The following DOK5 variants were observed in gnomAD, a reference collection of about 807,000 sequenced individuals.
DOK5 encodes docking protein 5, also known as downstream of tyrosine kinase 5.
In DOK5, 27 loss-of-function variants were observed where a neutral mutation model predicts 43.3. That is an observed-to-expected ratio of 0.62 (90% CI 0.46 to 0.86). The LOEUF (loss-of-function observed/expected upper bound fraction) is 0.86, where lower values mean the gene tolerates loss of function less well. DOK5 is among the 40% of genes least tolerant of loss of function. DOK5 has a pLI of 0.00. For missense variants in DOK5, 373 were observed against 392.9 expected (o/e 0.95, Z 0.43); for synonymous variants, 146 against 140.1 (o/e 1.04, Z -0.30).
At chr20:54,572,570 A>T (rs779780502) in intron 2 of DOK5, among the ~76,000 whole-genome samples, 1 of 152,228 alleles carries the variant, frequency 6.6e-6, no homozygotes, top group African/African-American at 2.4e-5. Flanking sequence ...AATACCTAGC[A>T]TATAATTAAG....
At chr20:54,546,152 TG>T (rs986493608) in intron 1 of DOK5, among the ~76,000 whole-genome samples, 1 of 152,160 alleles carries the variant, frequency 6.6e-6, no homozygotes, top group African/African-American at 2.4e-5. Context: ...AAACAAAATT[TG>T]CTCATCTGTG....
chr20:54,613,561 A>G (rs1986718808), intron 6 of DOK5, among the ~76,000 whole-genome samples: 2 of 151,788 alleles, frequency 1.3e-5, no homozygotes, highest in South Asian at 4.2e-4. Flanking sequence ...GTGGATGTAG[A>G]AAATAGAATT....
At chr20:54,622,675 C>T (rs1040638829) in intron 6 of DOK5, among the ~76,000 whole-genome samples, 1 of 152,138 alleles carries the variant, frequency 6.6e-6, no homozygotes, top group East Asian at 1.9e-4. Context: ...TACATTGCGA[C>T]CTTGATGGCG....
At chr20:54,486,760 G>A (rs1434796875) in intron 1 of DOK5, among the ~76,000 whole-genome samples, 3 of 152,180 alleles carry the variant, frequency 2.0e-5, no homozygotes, top group Admixed American at 2.0e-4. Context: ...GATAATATAC[G>A]AAAGATGAAT....
chr20:54,581,567 A>G (rs1175166896), intron 2 of DOK5, among the ~76,000 whole-genome samples: 1 of 151,790 alleles, frequency 6.6e-6, no homozygotes, highest in African/African-American at 2.4e-5. Context: ...GAATTTCTTC[A>G]GTGTTTTCTA....
intron 1 of DOK5, among the ~76,000 whole-genome samples, chr20:54,501,484 AAAAAAAAAG>A (rs1260787725): frequency 6.1e-5 from 9 of 146,748 alleles, no homozygotes; most frequent in African/African-American, 2.4e-4. Flanking sequence ...AAAAAAAAAA[AAAAAAAAAG>A]AAGAAAAGGA....
intron 1 of DOK5, among the ~76,000 whole-genome samples, chr20:54,510,131 C>T (rs540738459): frequency 3.3e-5 from 5 of 152,122 alleles, no homozygotes; most frequent in African/African-American, 9.6e-5. Flanking sequence ...AAAAAAATAC[C>T]GACTTACATT....
At chr20:54,540,295 T>A (rs1984107429) in intron 1 of DOK5, among the ~76,000 whole-genome samples, 1 of 152,186 alleles carries the variant, frequency 6.6e-6, no homozygotes, top group Non-Finnish European at 1.5e-5. Context: ...TAATAGAAAG[T>A]AAAGTTTCTG....
At position 54,481,172 on chromosome 20, in the gene DOK5, A is replaced by ATCTATCTATCTC. The variant is rs1555822412; in HGVS notation, c.66+5169_66+5170insCTCTCTATCTAT. On this transcript the variant is annotated intron_variant, in intron 1 of 7. Transcript: ENST00000262593. ...TATCTATCTATCTATCTATCTATCT[A>ATCTATCTATCTC]TCTATCTATATTTTTTTGGCGGAGT... Among the ~76,000 whole-genome samples, 373 of 148,958 alleles carry ATCTATCTATCTC rather than the reference A, an allele frequency of 2.5e-3. 2 individuals are homozygous for ATCTATCTATCTC. The highest frequency in any genetic ancestry group is 8.8e-3 in the African/African-American group (352 of 39,912).
At chr20:54,643,225 G>T (rs916612925) in intron 6 of DOK5, among the ~76,000 whole-genome samples, 3 of 152,192 alleles carry the variant, frequency 2.0e-5, no homozygotes, top group Non-Finnish European at 2.9e-5. Context: ...TTGGAGGGAA[G>T]TTCCCCAAAG....
At chr20:54,610,246 T>G in intron 5 of DOK5, 142 bp from the exon 6 acceptor site, 1 of 889,328 alleles carries the variant, frequency 1.1e-6, no homozygotes, top group Non-Finnish European at 1.5e-6. Flanking sequence ...AACATTCCGA[T>G]TCTAGTTAAC....
chr20:54,643,722 C>A, intron 7 of DOK5, 144 bp downstream of exon 7: 2 of 1,059,538 alleles, frequency 1.9e-6, no homozygotes, highest in East Asian at 2.6e-5. Context: ...GCCTCACACA[C>A]GAGGCACTTA....
At chr20:54,529,680 C>T (rs1983701022) in intron 1 of DOK5, among the ~76,000 whole-genome samples, 1 of 152,188 alleles carries the variant, frequency 6.6e-6, no homozygotes, top group South Asian at 2.1e-4. Flanking sequence ...ACGTTTTCAT[C>T]ATTCCATAGA....
At position 54,534,819 on chromosome 20, in the gene DOK5, G is replaced by GTTTCTTTC. The variant is rs112769125; in HGVS notation, c.67-20090_67-20083dup. ...CAACAAGAATTGATTTTGAAAGCAT[G>GTTTCTTTC]TTTCTTTCTTTCTTTCTTTCTTTCT... On this transcript the variant is annotated intron_variant, in intron 1 of 7. Coordinates refer to ENST00000262593, the MANE Select transcript of DOK5 (RefSeq NM_018431.5). Among the ~76,000 whole-genome samples, 481 of 150,564 alleles carry GTTTCTTTC rather than the reference G, an allele frequency of 3.2e-3. 3 individuals carry two copies. Among genetic ancestry groups the GTTTCTTTC allele is most frequent in the African/African-American group, 8.5e-3 (341 of 40,280 alleles).
At chr20:54,551,612 C>T (rs1413171641) in intron 1 of DOK5, among the ~76,000 whole-genome samples, 1 of 152,116 alleles carries the variant, frequency 6.6e-6, no homozygotes, top group Non-Finnish European at 1.5e-5. Flanking sequence ...GATTTTTCCA[C>T]CCCCCTCCAT....
At chr20:54,650,037 G>T (rs1979625581) in intron 7 of DOK5, among the ~76,000 whole-genome samples, 1 of 152,192 alleles carries the variant, frequency 6.6e-6, no homozygotes, top group African/African-American at 2.4e-5. Flanking sequence ...ACATTTACAA[G>T]ATTACCAAAG....
At chr20:54,563,108 C>G (rs531978289) in intron 2 of DOK5, among the ~76,000 whole-genome samples, 1 of 152,292 alleles carries the variant, frequency 6.6e-6, no homozygotes, top group African/African-American at 2.4e-5. Flanking sequence ...CGGCAGCCAC[C>G]AGACCGTAGG....
chr20:54,614,850 G>A (rs937537181), intron 6 of DOK5, among the ~76,000 whole-genome samples: 9 of 152,170 alleles, frequency 5.9e-5, no homozygotes, highest in Non-Finnish European at 1.0e-4. Flanking sequence ...CTCTGATTAG[G>A]GGATACCATG....
At chr20:54,571,245 T>A (rs576559188) in intron 2 of DOK5, among the ~76,000 whole-genome samples, 1 of 152,274 alleles carries the variant, frequency 6.6e-6, no homozygotes, top group South Asian at 2.1e-4. Flanking sequence ...CTTACCTAGG[T>A]GAAAGTCCTA....
Sources: allele counts gnomAD v4.1 joint callset (sites outside exome capture counted in the v4.1 genomes callset), GRCh38; gene constraint gnomAD v4.1.1; transcripts MANE v1.5; gene names NCBI Gene and HGNC (gene_info 2026-07-23, HGNC 2026-07-21).